RADIL: variants seen among roughly 807,000 people sequenced by gnomAD.
RADIL encodes Rap associating with DIL domain, also known as ras-associating and dilute domain-containing protein.
In RADIL, 99 loss-of-function variants were observed where a neutral mutation model predicts 97.6. That is an observed-to-expected ratio of 1.01 (90% confidence interval 0.86 to 1.20). RADIL has a LOEUF of 1.20. RADIL is among the 50% of genes most tolerant of loss of function. RADIL has a pLI of 0.00. For missense variants in RADIL, 1,765 were observed against 1,498.9 expected, an observed-to-expected ratio of 1.18 and a Z score of -2.93; for synonymous variants, 803 against 691.8, an observed-to-expected ratio of 1.16 and a Z score of -2.52.
rs1015707329 is a variant in RADIL, at chr7:4,834,674, T to G, written c.1349A>C (p.His450Pro). The G allele has an allele frequency of 7.3e-7, 1 of 1,372,720 alleles. No homozygotes were observed. The highest frequency in any genetic ancestry group is 1.5e-5 in the African/African-American group (1 of 66,980). 85.0% of individuals were successfully genotyped at this position (1,372,720 alleles called of 1,614,324 possible). ...LCLCIQHSAT[H>P]FQPGTFGQLL... ...CTGCCCGAATGTGCCCGGCTGGAAG[T>G]GGGTGGCCGAGTGCTGGATGCAGAG... The change falls in exon 4 of 15, where the codon CAC becomes CCC. Residue 450 changes from histidine (H) to proline (P), a missense_variant. Physicochemically the swap from His to Pro is moderately conservative, Grantham distance 77. Transcript: ENST00000399583. The surrounding 1 kb of genome is among the most constrained non-coding windows in gnomAD (Gnocchi z 6.0).
intron 1 of RADIL, among the ~76,000 whole-genome samples, chr7:4,882,745 C>T (rs1218213103): frequency 1.3e-5 from 2 of 152,230 alleles, no homozygotes; most frequent in Non-Finnish European, 2.9e-5. Flanking sequence ...TAATTCTGAC[C>T]TGCTAGCTGC....
At chr7:4,843,398 G>A (rs17135212) in intron 2 of RADIL, among the ~76,000 whole-genome samples, 4,979 of 152,192 alleles carry the variant, frequency 0.033, 218 homozygotes, top group East Asian at 0.23. Flanking sequence ...AAACACAGAG[G>A]TCAGATGGGC....
At chr7:4,866,313 T>G (rs892769385) in intron 2 of RADIL, among the ~76,000 whole-genome samples, 1 of 152,188 alleles carries the variant, frequency 6.6e-6, no homozygotes, top group African/African-American at 2.4e-5. Context: ...TTGTTTTGAT[T>G]GCCTGCTAGA....
In RADIL at chr7:4,822,325, G is replaced by T; in HGVS notation, c.1615+69C>A. ...TCATGGCCAACTAGGTTCCGAGGAC[G>T]GCGAGGAGATGCCACACTCCCCTGC... On this transcript the variant is annotated intron_variant, in intron 6 of 14. Coordinates refer to ENST00000399583, the MANE Select transcript of RADIL (RefSeq NM_018059.5). This position sits in a 1 kb window ranked among gnomAD's most constrained non-coding sequence, Gnocchi z 5.3. 6.7e-7 allele frequency: 1 copy of T among 1,497,636 alleles called. No individual in the cohort carries two copies. Among genetic ancestry groups the T allele is most frequent in the South Asian group, 1.3e-5 (1 of 77,674 alleles). The allele number at this position is 1,497,636 out of a possible 1,614,324, so 92.8% of individuals were successfully genotyped here.
At chr7:4,831,192 A>C (rs996077620) in intron 5 of RADIL, among the ~76,000 whole-genome samples, 14 of 143,332 alleles carry the variant, frequency 9.8e-5, no homozygotes, top group Non-Finnish European at 2.2e-4. Flanking sequence ...ACCCCATCTC[A>C]AAAAAAGAAA....
chr7:4,825,603 G>A (rs1369752139), intron 5 of RADIL, among the ~76,000 whole-genome samples: 1 of 152,212 alleles, frequency 6.6e-6, no homozygotes, highest in Non-Finnish European at 1.5e-5. Flanking sequence ...AAAGCCGGGT[G>A]CGGTGGCTCA....
intron 9 of RADIL, among the ~76,000 whole-genome samples, chr7:4,810,854 G>A (rs1161485232): frequency 6.6e-6 from 1 of 152,220 alleles, no homozygotes; most frequent in Non-Finnish European, 1.5e-5. Flanking sequence ...GCTGAGATTA[G>A]GCCGGGCGTG....
At position 4,797,372 on chromosome 7, in the gene RADIL, C is replaced by T. The variant is rs1781953185; in HGVS notation, c.*2006G>A. The T allele has an allele frequency of 6.6e-6, 1 of 152,230 alleles. No individual in the cohort carries two copies. The allele number at this position is 152,230 out of a possible 1,614,324, so 9.4% of individuals were successfully genotyped here. A position where few individuals can be genotyped will look rare whatever the true frequency, so the allele number is the denominator to read the frequency against. On this transcript the variant is annotated 3_prime_UTR_variant, in exon 15 of 15. Coordinates refer to ENST00000399583, the MANE Select transcript of RADIL (RefSeq NM_018059.5). The stretch of plus-strand genomic sequence containing the variant: ...TGGCTTGGAAGGTCCCAGAATATCA[C>T]TTATGCTGCATCCTGTTGTTCGGAG...
intron 2 of RADIL, among the ~76,000 whole-genome samples, chr7:4,853,573 T>C (rs982266662): frequency 6.6e-6 from 1 of 151,766 alleles, no homozygotes; most frequent in African/African-American, 2.4e-5. Flanking sequence ...AGAAACCCCG[T>C]CTCTACTAAA....
intron 2 of RADIL, among the ~76,000 whole-genome samples, chr7:4,839,894 G>GT (rs1434375633): frequency 2.0e-5 from 3 of 152,014 alleles, no homozygotes; most frequent in East Asian, 3.9e-4. Context: ...TTACAGGCAC[G>GT]TGCCACCATG....
chr7:4,815,373 G>A lies in RADIL; in HGVS notation c.2044C>T (p.Arg682Trp), dbSNP rs749059385. Residue 682 changes from arginine (R) to tryptophan (W), a missense_variant, in exon 9 of 15, where the codon CGG (arginine) becomes TGG (tryptophan). Coordinates refer to ENST00000399583, the MANE Select transcript of RADIL (RefSeq NM_018059.5). The surrounding 1 kb of genome is among the most constrained non-coding windows in gnomAD (Gnocchi z 8.0). Reference protein sequence around the residue: ...ARLQQLLEWMRSAGFGAAGEH... With the variant: ...ARLQQLLEWMWSAGFGAAGEH... ...CCAGCCGCCCCGAAGCCGGCGCTCC[G>A]CATCCACTCCAGGAGCTGCTGCAGG... 108 of 1,563,020 alleles carry A rather than the reference G, an allele frequency of 6.9e-5. No individual in the cohort carries two copies. Among genetic ancestry groups the A allele is most frequent in the Non-Finnish European group, 8.5e-5 (98 of 1,154,542 alleles).
chr7:4,805,995 GGCC>G, intron 9 of RADIL: 1 of 985,452 alleles, frequency 1.0e-6, no homozygotes. Flanking sequence ...CCTCACAGGC[GGCC>G]GCCAACCAGA....
At position 4,836,597 on chromosome 7, in the gene RADIL, C is replaced by A. The variant is rs1415324462; in HGVS notation, c.544G>T (p.Ala182Ser). ...EVDTITAGIN[A>S]QARRLQRSRA... is the part of the protein sequence containing the mutation. The stretch of plus-strand genomic sequence containing the variant: ...CTCCGCTGCAGCCTCCGGGCCTGGG[C>A]GTTTATCCCTGGAACAGAAGCAACA... Residue 182 changes from alanine to serine, a missense_variant, in exon 3 of 15, where the codon GCC becomes TCC. Physicochemically the swap from Ala to Ser is moderately conservative, Grantham distance 99. Coordinates refer to ENST00000399583, the MANE Select transcript of RADIL (RefSeq NM_018059.5). The A allele has an allele frequency of 1.9e-6, 3 of 1,606,986 alleles. No individual in the cohort carries two copies.
At position 4,814,983 on chromosome 7, in the gene RADIL, G is replaced by A. The variant is rs184969188; in HGVS notation, c.2139+295C>T. Among the ~76,000 whole-genome samples, 45 of 152,306 alleles carry A rather than the reference G, an allele frequency of 3.0e-4. No individual in the cohort carries two copies. The highest frequency in any genetic ancestry group is 9.6e-4 in the African/African-American group (40 of 41,564). ...CCACCCGGATACCCAGGTCATCTCCGAATCTCAAGGTCCTTAATCGTAGTC... is the reference window on the plus strand; with the variant it reads ...CCACCCGGATACCCAGGTCATCTCCAAATCTCAAGGTCCTTAATCGTAGTC... On this transcript the variant is annotated intron_variant, in intron 9 of 14. Coordinates refer to ENST00000399583, the MANE Select transcript of RADIL (RefSeq NM_018059.5). The surrounding 1 kb of genome is among the most constrained non-coding windows in gnomAD (Gnocchi z 4.5).
In RADIL at chr7:4,835,067, G is replaced by A. The variant is rs1783257349; in HGVS notation, c.956C>T (p.Pro319Leu). The A allele has an allele frequency of 6.2e-7, 1 of 1,607,938 alleles. No homozygotes were observed. Among genetic ancestry groups the A allele is most frequent in the Non-Finnish European group, 8.5e-7 (1 of 1,177,714 alleles). ...GACGGAGATGTGCGCCCCGGGGATG[G>A]GCTCCAGGACCAGCCTCCCCGCGGC... ...GQAAGRLVLE[P>L]IPGAHISVNF... Residue 319 changes from proline (P) to leucine (L), a missense_variant, in exon 4 of 15, where the codon CCC (proline) becomes CTC (leucine). Physicochemically the swap from Pro to Leu is moderately conservative, Grantham distance 98. Coordinates refer to ENST00000399583, the MANE Select transcript of RADIL (RefSeq NM_018059.5). The surrounding 1 kb of genome is among the most constrained non-coding windows in gnomAD (Gnocchi z 5.8).
chr7:4,820,939 C>G (rs1782815285), intron 6 of RADIL, among the ~76,000 whole-genome samples: 1 of 152,220 alleles, frequency 6.6e-6, no homozygotes. Context: ...GGGGGCACAG[C>G]AGGGTCCCAG....
At chr7:4,833,127 G>A (rs1033019498) in intron 4 of RADIL, among the ~76,000 whole-genome samples, 4 of 152,256 alleles carry the variant, frequency 2.6e-5, no homozygotes, top group African/African-American at 7.2e-5. Context: ...GCCACACAGC[G>A]AGCCCCAGGT....
At chr7:4,870,450 T>C (rs1329858682) in intron 2 of RADIL, among the ~76,000 whole-genome samples, 6 of 152,138 alleles carry the variant, frequency 3.9e-5, no homozygotes, top group African/African-American at 1.4e-4. Flanking sequence ...TTGTTTTGTT[T>C]TGTTTCTTTG....
intron 9 of RADIL, among the ~76,000 whole-genome samples, chr7:4,810,666 C>T (rs1782516730): frequency 6.6e-6 from 1 of 152,244 alleles, no homozygotes; most frequent in African/African-American, 2.4e-5. Flanking sequence ...GGGGAAATTG[C>T]TCAATCGGAG....
Sources: allele counts gnomAD v4.1 joint callset (sites outside exome capture counted in the v4.1 genomes callset), GRCh38; gene constraint gnomAD v4.1.1; non-coding constraint Gnocchi (gnomAD v3.1); transcripts MANE v1.5; gene names NCBI Gene and HGNC (gene_info 2026-07-23, HGNC 2026-07-21).